BTG3: variants seen among roughly 807,000 people sequenced by gnomAD.
BTG3 encodes protein BTG3.
Under a neutral mutation model 25.8 loss-of-function variants are expected in BTG3, and 4 were observed. The ratio of observed to expected loss-of-function variants is 0.16; its 90% CI spans 0.08 to 0.36. BTG3 has a LOEUF of 0.36. Among genes scored for constraint, BTG3 ranks in the 10% least tolerant of loss-of-function variants. BTG3 has a pLI of 1.00. For missense variants in BTG3, 201 were observed against 304.9 expected (o/e 0.66, Z 2.54); for synonymous variants, 107 against 99.9 (o/e 1.07, Z -0.42).
chr21:17,605,600 T>C (rs1383486746), intron 2 of BTG3, among the ~76,000 whole-genome samples: 1 of 152,196 alleles, frequency 6.6e-6, no homozygotes, highest in African/African-American at 2.4e-5. Flanking sequence ...TTAACTTCTA[T>C]TTACCCAAGC....
At chr21:17,601,157 C>T (rs1233956254) in intron 3 of BTG3, among the ~76,000 whole-genome samples, 11 of 148,444 alleles carry the variant, frequency 7.4e-5, no homozygotes, top group African/African-American at 1.0e-4. Context: ...AGTGAGACTC[C>T]GTCTCAAAAA....
At chr21:17,600,095 A>T (rs1021212872) in intron 3 of BTG3, among the ~76,000 whole-genome samples, 1 of 151,978 alleles carries the variant, frequency 6.6e-6, no homozygotes, top group Admixed American at 6.6e-5. Flanking sequence ...AAGATTTTTG[A>T]TTTTTTTTAA....
At chr21:17,601,794 A>G (rs554853622) in intron 3 of BTG3, among the ~76,000 whole-genome samples, 7 of 152,340 alleles carry the variant, frequency 4.6e-5, no homozygotes, top group African/African-American at 1.7e-4. Flanking sequence ...GAAAGGCAAG[A>G]AATTTGAGAA....
At chr21:17,610,694 G>C (rs998225828) in intron 1 of BTG3, among the ~76,000 whole-genome samples, 1 of 152,138 alleles carries the variant, frequency 6.6e-6, no homozygotes, top group East Asian at 1.9e-4. Flanking sequence ...GCTGCCTTTA[G>C]TAAGCAACAT....
In BTG3 at chr21:17,609,109, G is replaced by A; in HGVS notation, c.36C>T (p.Phe12=). 2 of 1,612,728 alleles carry A rather than the reference G, an allele frequency of 1.2e-6. No individual in the cohort carries two copies. The highest frequency in any genetic ancestry group is 2.2e-5 in the South Asian group (2 of 90,586). ...TATCATGTTTTCGAACTAGCCTTGT[G>A]AAAAAGAAGACAACGGCAGCAATTT... The part of the protein sequence containing the change: ...KNEIAAVVFF[F]TRLVRKHDKL... The change falls in exon 2 of 5, where the codon TTC becomes TTT. Residue 12 remains phenylalanine, a synonymous_variant. Transcript: ENST00000348354.
At chr21:17,604,182 G>A (rs776960420) in intron 3 of BTG3, 3 of 1,256,240 alleles carry the variant, frequency 2.4e-6, no homozygotes, top group South Asian at 2.6e-5. Flanking sequence ...AGTGGCTCAC[G>A]CCTGTAATCC....
At position 17,611,036 on chromosome 21, in the gene BTG3, C is replaced by CAGCT. The variant is rs1279877577; in HGVS notation, c.-9+1659_-9+1662dup. ...GAATGAGAAATTCACCTTCTACAGC[C>CAGCT]AGCTAGCAGGCACCGGGCATGGGTC... is the stretch of plus-strand genomic sequence containing the variant. On this transcript the variant is annotated intron_variant, in intron 1 of 4. Transcript: ENST00000348354. 3.4e-5 allele frequency among the ~76,000 whole-genome samples: 5 copies of CAGCT among 148,464 alleles called. No homozygotes were observed. In the East Asian group the frequency reaches 9.6e-4, roughly 29 times the overall value.
intron 2 of BTG3, 25 bp from the exon 3 acceptor site, chr21:17,605,022 A>G (rs2061621149): frequency 6.2e-7 from 1 of 1,606,290 alleles, no homozygotes; most frequent in Admixed American, 1.7e-5. Context: ...AGTTACGTTA[A>G]TGGATTTAAA....
At chr21:17,604,775 T>C in intron 3 of BTG3, 85 bp downstream of exon 3, 8 of 1,455,704 alleles carry the variant, frequency 5.5e-6, no homozygotes, top group Non-Finnish European at 7.3e-6. Flanking sequence ...GCCATAAAGA[T>C]ACACAGGCAG....
intron 1 of BTG3, chr21:17,611,730 GCTC>G (rs1221748769): frequency 1.3e-5 from 2 of 152,360 alleles, no homozygotes; most frequent in African/African-American, 4.8e-5. Context: ...CGCGGCGGCT[GCTC>G]CTCAAGTTCT....
At chr21:17,594,633 T>A (rs1310904583) in intron 4 of BTG3, among the ~76,000 whole-genome samples, 2 of 152,112 alleles carry the variant, frequency 1.3e-5, no homozygotes, top group African/African-American at 4.8e-5. Flanking sequence ...AAGGACATGC[T>A]TGTTTTAGTC....
At chr21:17,604,185 T>C (rs1017131263) in intron 3 of BTG3, 4 of 1,247,852 alleles carry the variant, frequency 3.2e-6, no homozygotes, top group South Asian at 1.3e-5. Flanking sequence ...GGCTCACGCC[T>C]GTAATCCAGC....
chr21:17,604,069 ACT>A (rs1226704988), intron 3 of BTG3: 43 of 1,184,814 alleles, frequency 3.6e-5, no homozygotes, highest in Non-Finnish European at 4.6e-5. Flanking sequence ...ATCTTTCACA[ACT>A]CTATTCATTA....
intron 2 of BTG3, among the ~76,000 whole-genome samples, chr21:17,607,438 C>G (rs2061658657): frequency 6.6e-6 from 1 of 152,092 alleles, no homozygotes; most frequent in South Asian, 2.1e-4. Context: ...ATGACTTGAG[C>G]CTGTGTTAGC....
At chr21:17,609,214 CT>C in intron 1 of BTG3, 62 bp from the exon 2 acceptor site, 1 of 1,501,162 alleles carries the variant, frequency 6.7e-7, no homozygotes, top group Non-Finnish European at 9.0e-7. Flanking sequence ...AGATGAAGCT[CT>C]GTAAGATATA....
At chr21:17,603,937 C>A (rs932613540) in intron 3 of BTG3, among the ~76,000 whole-genome samples, 1 of 152,172 alleles carries the variant, frequency 6.6e-6, no homozygotes, top group Non-Finnish European at 1.5e-5. Context: ...CAATTTCAAA[C>A]TGAATTACCT....
intron 1 of BTG3, among the ~76,000 whole-genome samples, chr21:17,610,686 T>C (rs2061708871): frequency 6.6e-6 from 1 of 152,246 alleles, no homozygotes; most frequent in African/African-American, 2.4e-5. Context: ...ATTAAGATGC[T>C]GCCTTTAGTA....
intron 2 of BTG3, among the ~76,000 whole-genome samples, chr21:17,606,127 A>T (rs1334158361): frequency 6.6e-6 from 1 of 152,216 alleles, no homozygotes; most frequent in Non-Finnish European, 1.5e-5. Context: ...TAAAAAATTT[A>T]TTATGCAATG....
At position 17,598,655 on chromosome 21, in the gene BTG3, G is replaced by T; in HGVS notation, c.481C>A (p.Pro161Thr). Residue 161 changes from proline (P) to threonine (T), a missense_variant, in exon 4 of 5, where the codon CCC becomes ACC. Physicochemically the swap from Pro to Thr is conservative, Grantham distance 38. Around this residue, in one of 2 missense-constraint regions of BTG3, gnomAD observed 131 missense variants for 129.3 expected, o/e 1.01. Transcript: ENST00000348354. ...CTTGCGGCTGCAGTCACCGAACTGG[G>T]TTTCACTTCCATTTCCTTACTTGTT... ...EETSKEMEVKPSSVTAAASPV... is the reference protein window; with the variant it reads ...EETSKEMEVKTSSVTAAASPV... 5 of 1,614,098 alleles carry T rather than the reference G, an allele frequency of 3.1e-6. No individual in the cohort carries two copies. The highest frequency in any genetic ancestry group is 4.2e-6 in the Non-Finnish European group (5 of 1,180,010).
Sources: allele counts gnomAD v4.1 joint callset (sites outside exome capture counted in the v4.1 genomes callset), GRCh38; gene constraint gnomAD v4.1.1; regional missense constraint gnomAD v4.1.1; transcripts MANE v1.5; gene names NCBI Gene and HGNC (gene_info 2026-07-23, HGNC 2026-07-21).